The following NADK variants were observed in gnomAD, a reference collection of about 807,000 sequenced individuals.
NADK encodes the protein NAD kinase.
In NADK, 22 loss-of-function variants were observed where a neutral mutation model predicts 49.8. The ratio of observed to expected loss-of-function variants is 0.44; its 90% CI spans 0.32 to 0.63. The LOEUF (loss-of-function observed/expected upper bound fraction) is 0.63, where lower values mean the gene tolerates loss of function less well. Among genes scored for constraint, NADK ranks in the 30% least tolerant of loss-of-function variants. The pLI is 0.06. For missense variants in NADK, 438 were observed against 609.4 expected (o/e 0.72, Z 2.96); for synonymous variants, 268 against 253.7 (o/e 1.06, Z -0.54).
chr1:1,768,256 G>C (rs1355513522), intron 1 of NADK, among the ~76,000 whole-genome samples: 2 of 151,904 alleles, frequency 1.3e-5, no homozygotes, highest in Non-Finnish European at 2.9e-5. Context: ...AGAGACACCA[G>C]GCTAGGCACG....
chr1:1,773,861 T>C (rs1646131841), intron 1 of NADK, among the ~76,000 whole-genome samples: 2 of 151,972 alleles, frequency 1.3e-5, no homozygotes, highest in South Asian at 2.1e-4. Flanking sequence ...GATCCTCCCA[T>C]GTAGCTGAGA....
upstream of NADK, chr1:1,779,198 T>C (rs564529649): frequency 3.3e-5 from 5 of 152,552 alleles, no homozygotes; most frequent in African/African-American, 1.2e-4. Flanking sequence ...GGGGCACCTC[T>C]AGGGGGACCA....
intron 3 of NADK, chr1:1,759,954 C>T (rs752132211): frequency 1.8e-5 from 27 of 1,534,750 alleles, no homozygotes; most frequent in South Asian, 1.1e-4. Flanking sequence ...GGGAGAGGCC[C>T]GGTGGGGTGC....
chr1:1,752,683 T>C lies in NADK; in HGVS notation c.*221A>G. The stretch of plus-strand genomic sequence containing the variant: ...CGGGGTGTCAGCAGGACAGAAGCAC[T>C]CCCAGCCCATTTCTCACGCTTCTTT... On this transcript the variant is annotated 3_prime_UTR_variant, in exon 12 of 12. Coordinates refer to ENST00000341426, the MANE Select transcript of NADK (RefSeq NM_023018.5). 1 of 555,756 alleles carries C rather than the reference T, an allele frequency of 1.8e-6. No individual in the cohort carries two copies. Among genetic ancestry groups the C allele is most frequent in the South Asian group, 2.8e-5 (1 of 36,190 alleles). The allele number at this position is 555,756 out of a possible 1,614,324, so 34.4% of individuals were successfully genotyped here.
intron 1 of NADK, among the ~76,000 whole-genome samples, chr1:1,765,887 G>A (rs1418146675): frequency 1.3e-5 from 2 of 152,128 alleles, no homozygotes; most frequent in Non-Finnish European, 2.9e-5. Flanking sequence ...TCCAGCCTGG[G>A]TGACTAGAGT....
intron 1 of NADK, among the ~76,000 whole-genome samples, chr1:1,777,628 G>A (rs1399790765): frequency 1.3e-5 from 2 of 151,966 alleles, no homozygotes; most frequent in Non-Finnish European, 2.9e-5. Context: ...TGGGAGGGTG[G>A]GGGTGGTCCT....
rs113696378 is a variant in NADK, at chr1:1,756,690, G to C, written c.394-82C>G. 5.4e-4 allele frequency: 859 copies of C among 1,601,816 alleles called. 5 individuals are homozygous for C. In the African/African-American group the frequency reaches 0.01, roughly 19 times the overall value. On this transcript the variant is annotated intron_variant, in intron 4 of 11. Coordinates refer to ENST00000341426, the MANE Select transcript of NADK (RefSeq NM_023018.5). The stretch of plus-strand genomic sequence containing the variant: ...GAGGTTCCCGACTCACGGGCGCTGT[G>C]GTCAGAGACCTGGCATCGTGGCCTG...
At chr1:1,759,885 A>G (rs1179668190) in intron 3 of NADK, 5 of 1,550,644 alleles carry the variant, frequency 3.2e-6, no homozygotes, top group Non-Finnish European at 3.5e-6. Flanking sequence ...CTGAGATGCG[A>G]GTGACAAAGG....
intron 3 of NADK, chr1:1,759,258 A>T: frequency 6.4e-7 from 1 of 1,558,378 alleles, no homozygotes; most frequent in South Asian, 1.2e-5. Flanking sequence ...AAAGCAGGAC[A>T]CCAGCCCTTG....
At position 1,765,248 on chromosome 1, in the gene NADK, C is replaced by A. The variant is rs1339570206; in HGVS notation, c.159G>T (p.Leu53=). 3.1e-6 allele frequency: 5 copies of A among 1,610,396 alleles called. No individual in the cohort carries two copies. The highest frequency in any genetic ancestry group is 4.2e-6 in the Non-Finnish European group (5 of 1,178,356). ...KSRSLSASPA[L]GSTKEFRRTR... The stretch of plus-strand genomic sequence containing the variant: ...TGTACCTGAACTCCTTGGTGCTCCC[C>A]AGGGCGGGCGAGGCAGACAGGCTGC... Residue 53 remains leucine, a synonymous_variant, in exon 2 of 12, where the codon CTG becomes CTT. Coordinates refer to ENST00000341426, the MANE Select transcript of NADK (RefSeq NM_023018.5).
intron 1 of NADK, among the ~76,000 whole-genome samples, chr1:1,769,535 A>T (rs552077153): frequency 6.6e-6 from 1 of 151,954 alleles, no homozygotes; most frequent in Non-Finnish European, 1.5e-5. Context: ...TGGGCAACAG[A>T]GCGAGACTCC....
chr1:1,778,109 C>T lies in NADK; in HGVS notation c.-41+180G>A, dbSNP rs1341493715. 6.6e-6 allele frequency among the ~76,000 whole-genome samples: 1 copy of T among 152,208 alleles called. No individual in the cohort carries two copies. The highest frequency in any genetic ancestry group is 1.5e-5 in the Non-Finnish European group (1 of 68,020). Reference sequence around the variant, plus strand: ...CCCAAGGCCGAGCCTCGCCCTGGGCCGTGCTGGTGCCCCATTCGGGACGGA... The same window carrying T: ...CCCAAGGCCGAGCCTCGCCCTGGGCTGTGCTGGTGCCCCATTCGGGACGGA... On this transcript the variant is annotated intron_variant, in intron 1 of 11. Transcript: ENST00000341426. This position sits in a 1 kb window ranked among gnomAD's most constrained non-coding sequence, Gnocchi z 4.9.
chr1:1,769,514 GCA>G (rs1426248053), intron 1 of NADK, among the ~76,000 whole-genome samples: 1 of 152,052 alleles, frequency 6.6e-6, no homozygotes, highest in African/African-American at 2.4e-5. Flanking sequence ...TCGCGCCATG[GCA>G]CTCCAGCTTG....
chr1:1,777,969 A>G (rs1646260506), intron 1 of NADK, among the ~76,000 whole-genome samples: 1 of 152,188 alleles, frequency 6.6e-6, no homozygotes, highest in African/African-American at 2.4e-5. Context: ...AAGGCCGGAC[A>G]CCGAGGACCT....
chr1:1,768,489 G>A (rs1645953178), intron 1 of NADK, among the ~76,000 whole-genome samples: 1 of 152,212 alleles, frequency 6.6e-6, no homozygotes, highest in Admixed American at 6.5e-5. Flanking sequence ...AGGAGTTTGA[G>A]GTTTTGCAGT....
intron 3 of NADK, chr1:1,759,333 A>G (rs934422643): frequency 3.6e-5 from 51 of 1,415,652 alleles, no homozygotes; most frequent in African/African-American, 1.6e-4. Context: ...TTGCAGGCAC[A>G]CACGGCTGTG....
chr1:1,757,097 A>G, intron 4 of NADK, 84 bp downstream of exon 4: 1 of 1,536,754 alleles, frequency 6.5e-7, no homozygotes, highest in Non-Finnish European at 8.8e-7. Context: ...GGTGGTTCCC[A>G]TGGTCTCACG....
At chr1:1,765,622 A>G (rs1645862377) in intron 1 of NADK, among the ~76,000 whole-genome samples, 176 bp from the exon 2 acceptor site, 1 of 152,230 alleles carries the variant, frequency 6.6e-6, no homozygotes, top group Non-Finnish European at 1.5e-5. Flanking sequence ...GAACTACTCT[A>G]GGTTTTTGGC....
Position 1,755,396 on chromosome 1 carries a change from G to A in NADK, c.666C>T (p.Ser222=). ...LTPFSFENFQ[S]QVTQVIEGNA... is the part of the protein sequence containing the mutation. Reference sequence around the variant, plus strand: ...CACCCTCTATCACCTGAGTAACTTGGGACTGAAAGTTCTCAAAGCTGAATG... The same window carrying A: ...CACCCTCTATCACCTGAGTAACTTGAGACTGAAAGTTCTCAAAGCTGAATG... The change falls in exon 7 of 12, where the codon TCC becomes TCT. Residue 222 remains serine (S), a synonymous_variant. Coordinates refer to ENST00000341426, the MANE Select transcript of NADK (RefSeq NM_023018.5). The A allele has an allele frequency of 6.2e-7, 1 of 1,613,878 alleles. No homozygotes were observed. Among genetic ancestry groups the A allele is most frequent in the Non-Finnish European group, 8.5e-7 (1 of 1,179,812 alleles).
Sources: gnomAD v4.1 joint callset for allele counts (sites outside exome capture counted in the v4.1 genomes callset) on GRCh38, gnomAD v4.1.1 for gene constraint, Gnocchi (gnomAD v3.1) non-coding constraint, MANE v1.5 for transcripts, NCBI Gene and HGNC (gene_info 2026-07-23, HGNC 2026-07-21) for gene names.